Variants in ATP13A3 observed in about 807,000 individuals in gnomAD.
The protein encoded by ATP13A3 is ATPase 13A3, also known as polyamine-transporting ATPase 13A3.
In ATP13A3, 59 loss-of-function variants were observed where a neutral mutation model predicts 158.1. The observed-to-expected ratio is 0.37, with a 90% CI of 0.30 to 0.46. The LOEUF is 0.46. Ranked by LOEUF, ATP13A3 falls within the 20% of genes least tolerant of loss-of-function variation. The probability of loss-of-function intolerance (pLI) is 1.00; values close to 1 mark genes in which losing one functional copy is unlikely to be tolerated. For synonymous variants in ATP13A3, 491 were observed against 504.3 expected (o/e 0.97, Z 0.35); for missense variants, 1,166 against 1,525.2 (o/e 0.76, Z 3.92).
intron 2 of ATP13A3, among the ~76,000 whole-genome samples, chr3:194,483,563 C>G (rs772622178): frequency 6.6e-6 from 1 of 150,564 alleles, no homozygotes; most frequent in Non-Finnish European, 1.5e-5. Flanking sequence ...GCACTCCAGC[C>G]TGGGAGACAG....
upstream of ATP13A3, among the ~76,000 whole-genome samples, chr3:194,491,076 A>G (rs1309156362): frequency 6.6e-6 from 1 of 152,146 alleles, no homozygotes; most frequent in Non-Finnish European, 1.5e-5. Context: ...CCCAGGAGGC[A>G]GAGGCTGCAG....
At chr3:194,467,810 T>C (rs1016998593) in intron 2 of ATP13A3, 2 of 152,172 alleles carry the variant, frequency 1.3e-5, no homozygotes, top group Non-Finnish European at 2.9e-5. Flanking sequence ...AAAATACATA[T>C]TAAATACAAT....
At chr3:194,421,157 A>AG (rs1173085930) in intron 30 of ATP13A3, among the ~76,000 whole-genome samples, 1 of 29,940 alleles carries the variant, frequency 3.3e-5, no homozygotes, top group Non-Finnish European at 5.2e-5. Flanking sequence ...ATATATATAT[A>AG]TATATATATA....
chr3:194,493,342 C>T (rs1232247093), intron 2 of ATP13A3, among the ~76,000 whole-genome samples: 1 of 152,088 alleles, frequency 6.6e-6, no homozygotes, highest in Non-Finnish European at 1.5e-5. Context: ...CCTTCCCTGA[C>T]TCCCAGGCTA....
rs1717421648 is a variant in ATP13A3 at position 194,433,762 on chromosome 3, A to G, written c.2245+10T>C. 1.2e-6 allele frequency: 2 copies of G among 1,613,274 alleles called. No homozygotes were observed. Among genetic ancestry groups the G allele is most frequent in the Non-Finnish European group, 1.7e-6 (2 of 1,179,730 alleles). On this transcript the variant is annotated intron_variant, in intron 21 of 33. Coordinates refer to ENST00000645319, the MANE Select transcript of ATP13A3 (RefSeq NM_001367549.1). Reference sequence around the variant, plus strand: ...TCCATTTGCTTCTGTGTTCTTTTATAAAGTCTAACCTGTGACCATGACGGT... The same window carrying G: ...TCCATTTGCTTCTGTGTTCTTTTATGAAGTCTAACCTGTGACCATGACGGT...
rs574535436 is a variant in ATP13A3, at chr3:194,431,747, C to A, written c.2391G>T (p.Gln797His). ...INWHYADSLT[Q>H]CSHPSAIDPE... ...GGTCAATTGCTGATGGATGACTGCA[C>A]TGCGTGAGGGAGTCTGCATAATGCC... The change falls in exon 22 of 34, where the codon CAG (glutamine) becomes CAT (histidine). Residue 797 changes from glutamine to histidine, a missense_variant. By Grantham distance (24) the Gln-to-His change is conservative. This residue lies in a region of ATP13A3 where 997 missense variants were observed against 1,341.2 expected (regional missense o/e 0.74). Coordinates refer to ENST00000645319, the MANE Select transcript of ATP13A3 (RefSeq NM_001367549.1). 2.5e-6 allele frequency: 4 copies of A among 1,604,504 alleles called. No individual in the cohort carries two copies. The South Asian group carries it at 4.5e-5, about 18-fold the overall frequency.
intron 10 of ATP13A3, chr3:194,451,496 A>C (rs953486): frequency 0.38 from 58,488 of 152,070 alleles, 15,622 homozygotes; most frequent in African/African-American, 0.77. Flanking sequence ...TCCCCATTAT[A>C]TTCAGCAACA....
chr3:194,437,182 A>G lies in ATP13A3; in HGVS notation c.2033T>C (p.Phe678Ser). The change falls in exon 20 of 34, where the codon TTC becomes TCC. Residue 678 changes from phenylalanine to serine, a missense_variant. Phe to Ser is a radical substitution (Grantham distance 155). Around this residue, in one of 3 missense-constraint regions of ATP13A3, gnomAD observed 997 missense variants for 1,341.2 expected, o/e 0.74. Transcript: ENST00000645319. ...PVDFQNVLED[F>S]TKQGFRVIAL... ...AATCACACGGAAGCCCTGTTTAGTG[A>G]AGTCTTCCAAAACGTTTTGAAAATC... 3 of 1,614,132 alleles carry G rather than the reference A, an allele frequency of 1.9e-6. No homozygotes were observed. Among genetic ancestry groups the G allele is most frequent in the Non-Finnish European group, 2.5e-6 (3 of 1,179,960 alleles).
rs184372086 is a variant in ATP13A3 at position 194,478,205 on chromosome 3, T to C, written c.-47+7589A>G. Among the ~76,000 whole-genome samples, 182 of 152,152 alleles carry C rather than the reference T, an allele frequency of 1.2e-3. 2 individuals are homozygous for C. The highest frequency in any genetic ancestry group is 9.8e-3 in the Admixed American group (150 of 15,242). ...AAAAACTCATTTGTTAGAATGGTAT[T>C]GCCTACCATGTGCCAACTAGTGGTC... On this transcript the variant is annotated intron_variant, in intron 2 of 33. Transcript: ENST00000645319.
chr3:194,444,811 C>T (rs773698552), intron 14 of ATP13A3, 25 bp from the exon 15 acceptor site: 10 of 1,567,258 alleles, frequency 6.4e-6, no homozygotes, highest in Middle Eastern at 1.7e-4. Flanking sequence ...AGCACACATG[C>T]ACAAAGTATG....
Position 194,404,670 on chromosome 3 carries a change from C to A in ATP13A3, c.*1249G>T, listed in dbSNP as rs1357774420. On this transcript the variant is annotated 3_prime_UTR_variant, in exon 34 of 34. Coordinates refer to ENST00000645319, the MANE Select transcript of ATP13A3 (RefSeq NM_001367549.1). The stretch of plus-strand genomic sequence containing the variant: ...GGCAAGAATTTAAATGTTAATCAGG[C>A]CAAACAGAAAGGTGAAAAATGTTTC... 1 of 152,154 alleles carries A rather than the reference C, an allele frequency of 6.6e-6. No homozygotes were observed. The highest frequency in any genetic ancestry group is 6.5e-5 in the Admixed American group (1 of 15,280). 9.4% of individuals were successfully genotyped at this position (152,154 alleles called of 1,614,324 possible). A position where few individuals can be genotyped will look rare whatever the true frequency, so the allele number is the denominator to read the frequency against.
intron 11 of ATP13A3, among the ~76,000 whole-genome samples, chr3:194,449,447 A>T (rs1420434005): frequency 3.3e-5 from 5 of 152,240 alleles, no homozygotes; most frequent in Admixed American, 2.6e-4. Flanking sequence ...TGGGAGGCCA[A>T]GGTGGATGGA....
chr3:194,414,328 T>C (rs1157194476), intron 31 of ATP13A3, among the ~76,000 whole-genome samples: 1 of 151,322 alleles, frequency 6.6e-6, no homozygotes, highest in African/African-American at 2.4e-5. Flanking sequence ...CCAGGCGAGG[T>C]GGTGCATGCC....
Position 194,459,980 on chromosome 3 carries a change from G to A in ATP13A3, c.226-9C>T. On this transcript the variant is annotated splice_polypyrimidine_tract_variant and intron_variant, in intron 4 of 33. Coordinates refer to ENST00000645319, the MANE Select transcript of ATP13A3 (RefSeq NM_001367549.1). ...CACATTTTGAATTCATCCTTAAAGA[G>A]AGAAAGGGATAACGGTAAGGAGTCA... is the stretch of plus-strand genomic sequence containing the variant. 5 of 1,604,822 alleles carry A rather than the reference G, an allele frequency of 3.1e-6. No individual in the cohort carries two copies. The highest frequency in any genetic ancestry group is 1.7e-4 in the Middle Eastern group (1 of 6,020).
intron 28 of ATP13A3, among the ~76,000 whole-genome samples, chr3:194,428,636 T>C (rs1459334974): frequency 2.0e-5 from 3 of 152,154 alleles, no homozygotes; most frequent in African/African-American, 7.2e-5. Flanking sequence ...TCAAAACTTA[T>C]TTTCAAATAT....
chr3:194,428,707 TAATAA>T (rs1163815543), intron 28 of ATP13A3, 133 bp downstream of exon 28: 7 of 558,252 alleles, frequency 1.3e-5, no homozygotes, highest in Admixed American at 1.2e-4. Flanking sequence ...AAACAACTGG[TAATAA>T]AATAACATAT....
Position 194,403,918 on chromosome 3 carries a change from G to A in ATP13A3, c.*2001C>T, listed in dbSNP as rs896150381. ...TACTAACTCTAAATGTTAAAAAAGTGGGGGGGGGGTGTCAAAAATAGCTCT... is the reference window on the plus strand; with the variant it reads ...TACTAACTCTAAATGTTAAAAAAGTAGGGGGGGGGTGTCAAAAATAGCTCT... On this transcript the variant is annotated 3_prime_UTR_variant, in exon 34 of 34. Coordinates refer to ENST00000645319, the MANE Select transcript of ATP13A3 (RefSeq NM_001367549.1). The A allele has an allele frequency of 1.0e-5, 1 of 98,880 alleles. No homozygotes were observed. The highest frequency in any genetic ancestry group is 1.7e-5 in the Non-Finnish European group (1 of 60,362). The allele number at this position is 98,880 out of a possible 1,614,324, so 6.1% of individuals were successfully genotyped here.
chr3:194,475,485 G>GAAACTCAA (rs1194613540), intron 2 of ATP13A3, among the ~76,000 whole-genome samples: 2 of 151,984 alleles, frequency 1.3e-5, no homozygotes, highest in Non-Finnish European at 2.9e-5. Flanking sequence ...CATGAATTTG[G>GAAACTCAA]GTTTTTCTAC....
chr3:194,477,594 A>T (rs1720580127), intron 2 of ATP13A3, among the ~76,000 whole-genome samples: 1 of 152,198 alleles, frequency 6.6e-6, no homozygotes, highest in Admixed American at 6.5e-5. Context: ...CTTAATCAGG[A>T]TCCTTCTGTT....
Sources: gnomAD v4.1 joint callset for allele counts (sites outside exome capture counted in the v4.1 genomes callset) on GRCh38, gnomAD v4.1.1 for gene constraint, gnomAD v4.1.1 regional missense constraint, MANE v1.5 for transcripts, NCBI Gene and HGNC (gene_info 2026-07-23, HGNC 2026-07-21) for gene names.